The following GRIN3A variants were observed in gnomAD, a reference collection of about 807,000 sequenced individuals.
GRIN3A encodes the protein glutamate ionotropic receptor NMDA type subunit 3A.
Under a neutral mutation model 92.4 loss-of-function variants are expected in GRIN3A, and 47 were observed. The ratio of observed to expected loss-of-function variants is 0.51; its 90% CI spans 0.40 to 0.65. The LOEUF (loss-of-function observed/expected upper bound fraction) is 0.65. Ranked by LOEUF, GRIN3A falls within the 30% of genes least tolerant of loss-of-function variation. The probability of loss-of-function intolerance (pLI) is 0.00; values close to 1 mark genes in which losing one functional copy is unlikely to be tolerated. For synonymous variants in GRIN3A, 527 were observed against 540.6 expected, an observed-to-expected ratio of 0.97 and a Z score of 0.35; for missense variants, 1,324 against 1,393.1, an observed-to-expected ratio of 0.95 and a Z score of 0.79.
chr9:101,729,485 C>A (rs540602563), intron 1 of GRIN3A, among the ~76,000 whole-genome samples: 1 of 152,090 alleles, frequency 6.6e-6, no homozygotes, highest in Non-Finnish European at 1.5e-5. Flanking sequence ...CTCCAGTCTC[C>A]GCTTCCTTTA....
intron 1 of GRIN3A, among the ~76,000 whole-genome samples, chr9:101,712,422 A>G (rs1170761721): frequency 6.6e-6 from 1 of 152,222 alleles, no homozygotes; most frequent in East Asian, 1.9e-4. Flanking sequence ...ACTGTACTTC[A>G]GAGCTGCTTC....
intron 6 of GRIN3A, among the ~76,000 whole-genome samples, chr9:101,600,034 G>A (rs1318234895): frequency 1.3e-5 from 2 of 152,200 alleles, no homozygotes; most frequent in Non-Finnish European, 2.9e-5. Flanking sequence ...ATTTTGGCAT[G>A]TATGGTTTTA....
chr9:101,602,217 C>G (rs1828220684), intron 6 of GRIN3A, among the ~76,000 whole-genome samples: 1 of 152,182 alleles, frequency 6.6e-6, no homozygotes, highest in African/African-American at 2.4e-5. Context: ...AGGAATTGTC[C>G]TCAGATACCC....
At chr9:101,594,809 A>C in intron 6 of GRIN3A, 1 of 1,612,550 alleles carries the variant, frequency 6.2e-7, no homozygotes, top group Non-Finnish European at 8.5e-7. Context: ...CTCCACGCTC[A>C]GAGACCCTGA....
chr9:101,692,561 G>A (rs1048803950), intron 1 of GRIN3A, among the ~76,000 whole-genome samples: 1 of 152,178 alleles, frequency 6.6e-6, no homozygotes, highest in African/African-American at 2.4e-5. Context: ...TCCTGGGCAA[G>A]GGGAACCAAA....
intron 3 of GRIN3A, among the ~76,000 whole-genome samples, chr9:101,653,331 A>AAAAT (rs5899451): frequency 0.47 from 71,292 of 151,276 alleles, 16,956 homozygotes; most frequent in Middle Eastern, 0.54. Context: ...CTTTTCAGAG[A>AAAAT]AAATAGATTA....
At chr9:101,691,023 A>G (rs2118985720) in intron 1 of GRIN3A, among the ~76,000 whole-genome samples, 1 of 152,274 alleles carries the variant, frequency 6.6e-6, no homozygotes, top group South Asian at 2.1e-4. Flanking sequence ...AAAGGAAAAC[A>G]TTGAATTATC....
At chr9:101,656,715 G>A (rs1334496260) in intron 3 of GRIN3A, among the ~76,000 whole-genome samples, 1 of 151,858 alleles carries the variant, frequency 6.6e-6, no homozygotes, top group Non-Finnish European at 1.5e-5. Flanking sequence ...AACTTCTGAA[G>A]AGAAAGGATC....
At chr9:101,663,836 T>A (rs1399386120) in intron 3 of GRIN3A, among the ~76,000 whole-genome samples, 1 of 151,190 alleles carries the variant, frequency 6.6e-6, no homozygotes, top group East Asian at 1.9e-4. Context: ...AGCTTCCTAT[T>A]CCCTCTACAG....
chr9:101,679,094 A>G (rs944791177), intron 2 of GRIN3A, among the ~76,000 whole-genome samples: 10 of 152,196 alleles, frequency 6.6e-5, no homozygotes, highest in African/African-American at 2.2e-4. Flanking sequence ...TTGCCTTGGC[A>G]TAGCCCTGGC....
chr9:101,663,688 C>CT (rs34263545), intron 3 of GRIN3A, among the ~76,000 whole-genome samples: 24 of 151,196 alleles, frequency 1.6e-4, no homozygotes, highest in Admixed American at 4.6e-4. Flanking sequence ...TGCCAATGTC[C>CT]TTTTTTTTAA....
At chr9:101,717,525 A>G (rs1459988598) in intron 1 of GRIN3A, among the ~76,000 whole-genome samples, 1 of 152,212 alleles carries the variant, frequency 6.6e-6, no homozygotes. Context: ...TGAGTAAAAC[A>G]GGAAGTTAGG....
intron 6 of GRIN3A, among the ~76,000 whole-genome samples, chr9:101,582,468 C>G (rs1300796317): frequency 6.6e-6 from 1 of 152,158 alleles, no homozygotes; most frequent in African/African-American, 2.4e-5. Context: ...GAATGCTGGT[C>G]TGGGAAAGGG....
intron 6 of GRIN3A, chr9:101,594,191 C>T (rs978223381): frequency 1.3e-5 from 7 of 520,818 alleles, no homozygotes; most frequent in African/African-American, 1.2e-4. Flanking sequence ...CCACTATGCT[C>T]ATTTGACTTG....
chr9:101,706,915 T>G (rs1291631815), intron 1 of GRIN3A, among the ~76,000 whole-genome samples: 1 of 152,192 alleles, frequency 6.6e-6, no homozygotes, highest in South Asian at 2.1e-4. Flanking sequence ...GGGAGATTGA[T>G]CTCCCTTTTT....
chr9:101,680,382 T>C (rs1425297594), intron 2 of GRIN3A, among the ~76,000 whole-genome samples: 1 of 152,332 alleles, frequency 6.6e-6, no homozygotes, highest in Admixed American at 6.5e-5. Flanking sequence ...TGGCACATAA[T>C]AGGTTCTTAA....
chr9:101,721,028 C>T (rs1390298567), intron 1 of GRIN3A, among the ~76,000 whole-genome samples: 1 of 152,198 alleles, frequency 6.6e-6, no homozygotes, highest in Non-Finnish European at 1.5e-5. Flanking sequence ...TCTGTGCTTT[C>T]TGTGTACCTA....
In GRIN3A at chr9:101,719,273, G is replaced by A. The variant is rs546564969; in HGVS notation, c.699+18008C>T. ...CTCTAATAAAAATACGACAAAATTC[G>A]CCGGGTGTGGTGGCATGCGCCTGTA... On this transcript the variant is annotated intron_variant, in intron 1 of 8. Coordinates refer to ENST00000361820, the MANE Select transcript of GRIN3A (RefSeq NM_133445.3). Among the ~76,000 whole-genome samples, 3 of 152,164 alleles carry A rather than the reference G, an allele frequency of 2.0e-5. No individual in the cohort carries two copies. The South Asian group carries it at 6.2e-4, about 32-fold the overall frequency.
At chr9:101,671,134 G>C in intron 2 of GRIN3A, 27 bp from the exon 3 acceptor site, 1 of 1,533,996 alleles carries the variant, frequency 6.5e-7, no homozygotes, top group Non-Finnish European at 9.0e-7. Flanking sequence ...AAGGCAAAAA[G>C]TAAGAAAAGC....
Sources: allele counts gnomAD v4.1 joint callset (sites outside exome capture counted in the v4.1 genomes callset), GRCh38; gene constraint gnomAD v4.1.1; transcripts MANE v1.5; gene names NCBI Gene and HGNC (gene_info 2026-07-23, HGNC 2026-07-21).